Variants in CLIP2 observed in about 807,000 individuals in gnomAD.
CLIP2 encodes the protein CAP-Gly domain-containing linker protein 2.
In CLIP2, 41 loss-of-function variants were observed where a neutral mutation model predicts 111.7. That is an observed-to-expected ratio of 0.37 (90% CI 0.29 to 0.48). CLIP2 has a LOEUF of 0.48. Ranked by LOEUF, CLIP2 falls within the 20% of genes least tolerant of loss-of-function variation. CLIP2 has a pLI of 0.99. For synonymous variants in CLIP2, 660 were observed against 644.2 expected, an observed-to-expected ratio of 1.02 and a Z score of -0.37; for missense variants, 1,160 against 1,422.1, an observed-to-expected ratio of 0.82 and a Z score of 2.96.
chr7:74,325,315 G>A (rs1163229457), intron 2 of CLIP2, among the ~76,000 whole-genome samples: 1 of 152,166 alleles, frequency 6.6e-6, no homozygotes, highest in Non-Finnish European at 1.5e-5. Flanking sequence ...TGGGCAGGAG[G>A]GCGGTTTGGG....
At chr7:74,298,494 A>T (rs1171680063) in intron 1 of CLIP2, among the ~76,000 whole-genome samples, 2 of 149,752 alleles carry the variant, frequency 1.3e-5, no homozygotes, top group Non-Finnish European at 3.0e-5. Flanking sequence ...ATGAGCCACC[A>T]CACCTGGCCC....
At chr7:74,342,537 A>G (rs1554305545) in intron 3 of CLIP2, among the ~76,000 whole-genome samples, 7 of 152,214 alleles carry the variant, frequency 4.6e-5, no homozygotes, top group Non-Finnish European at 8.8e-5. Flanking sequence ...TGAGGTAGCC[A>G]TGGAAGCTGC....
At chr7:74,395,764 A>G (rs534720861) in intron 13 of CLIP2, among the ~76,000 whole-genome samples, 1 of 152,302 alleles carries the variant, frequency 6.6e-6, no homozygotes, top group East Asian at 1.9e-4. Flanking sequence ...TGCTTTGGTG[A>G]CAGTGATGTC....
intron 13 of CLIP2, among the ~76,000 whole-genome samples, chr7:74,392,135 A>C (rs1168084607): frequency 2.0e-5 from 3 of 151,540 alleles, no homozygotes; most frequent in Non-Finnish European, 4.4e-5. Flanking sequence ...GCAGATCACG[A>C]GGTCAGGAGA....
At chr7:74,322,199 C>G (rs1243463944) in intron 2 of CLIP2, among the ~76,000 whole-genome samples, 1 of 151,722 alleles carries the variant, frequency 6.6e-6, no homozygotes, top group African/African-American at 2.4e-5. Context: ...CCATGTTGGC[C>G]AGGCTGGTCT....
chr7:74,297,513 G>A (rs1271079198), intron 1 of CLIP2, among the ~76,000 whole-genome samples: 2 of 152,008 alleles, frequency 1.3e-5, no homozygotes, highest in African/African-American at 4.8e-5. Context: ...GAAAACAAAA[G>A]CAGGGCCCCC....
At chr7:74,358,489 T>C (rs1790216313) in intron 6 of CLIP2, among the ~76,000 whole-genome samples, 1 of 151,970 alleles carries the variant, frequency 6.6e-6, no homozygotes, top group Admixed American at 6.6e-5. Context: ...GCCACTGCAC[T>C]TGGCCTAATC....
rs574951745 is a variant in CLIP2 at position 74,293,836 on chromosome 7, C to G, written c.-68+4102C>G. Among the ~76,000 whole-genome samples the G allele has an allele frequency of 1.6e-4, 25 of 152,218 alleles. No individual in the cohort carries two copies. The East Asian group carries it at 4.6e-3, about 28-fold the overall frequency. On this transcript the variant is annotated intron_variant, in intron 1 of 16. Coordinates refer to ENST00000223398, the MANE Select transcript of CLIP2 (RefSeq NM_003388.5). ...TGCCTGCCACTGGCTTCCCCCAGCC[C>G]TGCCCCGGGACAGGAGGAGGCTCTC...
chr7:74,317,493 G>A lies in CLIP2; in HGVS notation c.-54G>A. 2 of 1,343,986 alleles carry A rather than the reference G, an allele frequency of 1.5e-6. No individual in the cohort carries two copies. Among genetic ancestry groups the A allele is most frequent in the South Asian group, 2.2e-5 (1 of 44,514 alleles). 83.3% of individuals were successfully genotyped at this position (1,343,986 alleles called of 1,614,324 possible). On this transcript the variant is annotated 5_prime_UTR_variant, in exon 2 of 17. Coordinates refer to ENST00000223398, the MANE Select transcript of CLIP2 (RefSeq NM_003388.5). ...CTCTGCCCGCAGGTGAGTGAAGATG[G>A]CAGAGAGGACGTGACCAGCACTCAC...
intron 11 of CLIP2, among the ~76,000 whole-genome samples, chr7:74,383,002 C>T (rs1554314183): frequency 6.6e-6 from 1 of 150,900 alleles, no homozygotes; most frequent in African/African-American, 2.4e-5. Flanking sequence ...ATCTCTTGAG[C>T]CCAGGAAGTG....
chr7:74,321,547 G>A (rs1788953270), intron 2 of CLIP2, among the ~76,000 whole-genome samples: 1 of 151,924 alleles, frequency 6.6e-6, no homozygotes, highest in Non-Finnish European at 1.5e-5. Context: ...TCGGCTCACT[G>A]CAACCTCCAC....
Position 74,380,837 on chromosome 7 carries a change from C to T in CLIP2, c.2453C>T (p.Thr818Met), listed in dbSNP as rs150303540. 132 of 1,610,700 alleles carry T rather than the reference C, an allele frequency of 8.2e-5. No individual in the cohort carries two copies. Among genetic ancestry groups the T allele is most frequent in the Non-Finnish European group, 9.9e-5 (117 of 1,177,824 alleles). The change falls in exon 11 of 17, where the codon ACG (threonine) becomes ATG (methionine). Residue 818 changes from threonine to methionine, a missense_variant. Around this residue, in one of 5 missense-constraint regions of CLIP2, gnomAD observed 676 missense variants for 777.8 expected, o/e 0.87. Coordinates refer to ENST00000223398, the MANE Select transcript of CLIP2 (RefSeq NM_003388.5). ...GAGTCGAATGACATTTCAGAGGAGA[C>T]GATCAGGACGAAGGAAACTGTGGAG... ...MIESNDISEETIRTKETVEGL... is the reference protein window; with the variant it reads ...MIESNDISEEMIRTKETVEGL...
chr7:74,348,394 A>G (rs1789864362), intron 3 of CLIP2, among the ~76,000 whole-genome samples: 1 of 152,044 alleles, frequency 6.6e-6, no homozygotes, highest in East Asian at 1.9e-4. Flanking sequence ...CGTGGCTCAT[A>G]CCTGTAACCC....
intron 5 of CLIP2, 149 bp downstream of exon 5, chr7:74,356,772 A>G: frequency 1.4e-6 from 1 of 725,696 alleles, no homozygotes; most frequent in Non-Finnish European, 2.3e-6. Flanking sequence ...ATCTTTTAAT[A>G]GGGAAAATTG....
intron 12 of CLIP2, among the ~76,000 whole-genome samples, chr7:74,387,792 G>A (rs1791157925): frequency 6.6e-6 from 1 of 152,208 alleles, no homozygotes; most frequent in African/African-American, 2.4e-5. Flanking sequence ...AGCCCAAGCA[G>A]CTGCTGTGCT....
At chr7:74,303,322 G>A (rs1431916720) in intron 1 of CLIP2, among the ~76,000 whole-genome samples, 1 of 152,208 alleles carries the variant, frequency 6.6e-6, no homozygotes. Flanking sequence ...AGCAGGTGAG[G>A]TGCCAGCCTG....
chr7:74,349,737 C>T (rs75858738), intron 3 of CLIP2, among the ~76,000 whole-genome samples: 1 of 150,750 alleles, frequency 6.6e-6, no homozygotes, highest in South Asian at 2.1e-4. Flanking sequence ...TCTTAGCCTC[C>T]GGAGTACCTG....
At chr7:74,310,688 G>A (rs1377860922) in intron 1 of CLIP2, among the ~76,000 whole-genome samples, 1 of 151,622 alleles carries the variant, frequency 6.6e-6, no homozygotes, top group African/African-American at 2.4e-5. Flanking sequence ...GGGTGGTTGG[G>A]TTATATGGGA....
chr7:74,336,041 C>T (rs1022736466), intron 2 of CLIP2, among the ~76,000 whole-genome samples: 1 of 150,562 alleles, frequency 6.6e-6, no homozygotes, highest in Non-Finnish European at 1.5e-5. Context: ...TGCGCCTGGC[C>T]TCTCTTCTTT....
Sources: gnomAD v4.1 joint callset for allele counts (sites outside exome capture counted in the v4.1 genomes callset) on GRCh38, gnomAD v4.1.1 for gene constraint, gnomAD v4.1.1 regional missense constraint, MANE v1.5 for transcripts, NCBI Gene and HGNC (gene_info 2026-07-23, HGNC 2026-07-21) for gene names.